Variants in GRID1 observed in about 807,000 individuals in gnomAD.
GRID1 encodes glutamate ionotropic receptor delta type subunit 1.
Under a neutral mutation model 98.0 loss-of-function variants are expected in GRID1, and 28 were observed. That is an observed-to-expected ratio of 0.29 (90% CI 0.21 to 0.39). GRID1 has a LOEUF of 0.39. Ranked by LOEUF, GRID1 falls within the 10% of genes least tolerant of loss-of-function variation. The pLI, the probability that GRID1 is intolerant of heterozygous loss-of-function variation, is 1.00. For missense variants in GRID1, 1,111 were observed against 1,340.5 expected (o/e 0.83, Z 2.67); for synonymous variants, 553 against 538.5 (o/e 1.03, Z -0.37).
intron 2 of GRID1, among the ~76,000 whole-genome samples, chr10:86,260,538 G>C (rs1004818424): frequency 2.6e-5 from 4 of 152,190 alleles, no homozygotes; most frequent in Non-Finnish European, 5.9e-5. Flanking sequence ...TCCTCATAGG[G>C]ATGCAGACAG....
At chr10:85,880,727 C>A (rs1276801612) in intron 5 of GRID1, among the ~76,000 whole-genome samples, 1 of 151,978 alleles carries the variant, frequency 6.6e-6, no homozygotes, top group Non-Finnish European at 1.5e-5. Flanking sequence ...CAGGGATGCC[C>A]CCTCTCACCA....
At chr10:86,063,118 G>A (rs895878089) in intron 4 of GRID1, among the ~76,000 whole-genome samples, 1 of 152,232 alleles carries the variant, frequency 6.6e-6, no homozygotes, top group Admixed American at 6.5e-5. Flanking sequence ...TCACTACTGA[G>A]GGCAACAATG....
intron 3 of GRID1, among the ~76,000 whole-genome samples, chr10:86,180,161 C>G (rs971024786): frequency 8.6e-4 from 131 of 152,146 alleles, no homozygotes; most frequent in Non-Finnish European, 1.3e-4. Context: ...TGGCCGCCAG[C>G]TAGCTTGTGA....
At chr10:85,911,190 C>T (rs893754305) in intron 5 of GRID1, among the ~76,000 whole-genome samples, 1 of 152,058 alleles carries the variant, frequency 6.6e-6, no homozygotes, top group African/African-American at 2.4e-5. Flanking sequence ...TTTTATCATG[C>T]CTTTGTTTTT....
chr10:86,186,265 C>G (rs148583434), intron 3 of GRID1, among the ~76,000 whole-genome samples: 2,039 of 152,246 alleles, frequency 0.013, 29 homozygotes, highest in Non-Finnish European at 0.021. Context: ...GTGATGTCAC[C>G]TTTCTCATTT....
intron 3 of GRID1, among the ~76,000 whole-genome samples, chr10:86,178,588 A>G (rs1192838537): frequency 6.6e-6 from 1 of 152,126 alleles, no homozygotes; most frequent in Non-Finnish European, 1.5e-5. Flanking sequence ...CCACCTCCAG[A>G]TGACCAGCAG....
intron 12 of GRID1, among the ~76,000 whole-genome samples, chr10:85,706,498 G>T (rs1841520068): frequency 6.6e-6 from 1 of 152,118 alleles, no homozygotes; most frequent in Non-Finnish European, 1.5e-5. Flanking sequence ...CATGCTCATG[G>T]GTAGGAAGAA....
chr10:85,874,227 A>G (rs1448822466), intron 5 of GRID1, among the ~76,000 whole-genome samples: 1 of 152,172 alleles, frequency 6.6e-6, no homozygotes, highest in Admixed American at 6.5e-5. Flanking sequence ...AAATAAATTT[A>G]TATATTTGGG....
At chr10:86,127,348 G>A (rs1037152085) in intron 4 of GRID1, among the ~76,000 whole-genome samples, 1 of 152,146 alleles carries the variant, frequency 6.6e-6, no homozygotes, top group Non-Finnish European at 1.5e-5. Flanking sequence ...CTCATCTGAA[G>A]AGTAACTCTG....
intron 8 of GRID1, among the ~76,000 whole-genome samples, chr10:85,822,347 A>T (rs984468754): frequency 2.7e-4 from 41 of 152,328 alleles, no homozygotes; most frequent in African/African-American, 9.4e-4. Flanking sequence ...ACAAGAAAAA[A>T]ACAAACAACC....
At chr10:86,174,950 T>A (rs1845553011) in intron 3 of GRID1, among the ~76,000 whole-genome samples, 1 of 152,028 alleles carries the variant, frequency 6.6e-6, no homozygotes, top group South Asian at 2.1e-4. Flanking sequence ...AGATACCATC[T>A]CACACCAGTT....
intron 4 of GRID1, among the ~76,000 whole-genome samples, chr10:85,995,138 A>C (rs979084527): frequency 6.6e-6 from 1 of 152,230 alleles, no homozygotes; most frequent in Non-Finnish European, 1.5e-5. Flanking sequence ...TGCTACAGCC[A>C]TAGAAAATAG....
intron 2 of GRID1, among the ~76,000 whole-genome samples, chr10:86,297,365 C>A (rs1409764428): frequency 1.3e-5 from 2 of 152,078 alleles, no homozygotes; most frequent in East Asian, 3.8e-4. Context: ...TATCAACAAG[C>A]CATGGGGAAA....
chr10:86,265,725 T>C (rs974516291), intron 2 of GRID1, among the ~76,000 whole-genome samples: 1 of 152,218 alleles, frequency 6.6e-6, no homozygotes, highest in African/African-American at 2.4e-5. Flanking sequence ...CCACTAACAC[T>C]CACCTGTCAT....
chr10:86,111,646 A>G (rs1844486388), intron 4 of GRID1, among the ~76,000 whole-genome samples: 1 of 152,234 alleles, frequency 6.6e-6, no homozygotes, highest in Non-Finnish European at 1.5e-5. Flanking sequence ...CCCAAGCTAC[A>G]TTCAACTGCC....
chr10:85,736,594 T>A (rs1280060984), intron 8 of GRID1, among the ~76,000 whole-genome samples: 1 of 152,192 alleles, frequency 6.6e-6, no homozygotes, highest in Non-Finnish European at 1.5e-5. Flanking sequence ...ATGATGGCCA[T>A]AGTGGGTCTG....
chr10:85,996,525 G>C (rs1179945617), intron 4 of GRID1, among the ~76,000 whole-genome samples: 1 of 152,164 alleles, frequency 6.6e-6, no homozygotes, highest in African/African-American at 2.4e-5. Context: ...CACATCAATA[G>C]TAATGATTCA....
At chr10:85,873,890 C>T (rs1373677662) in intron 5 of GRID1, among the ~76,000 whole-genome samples, 1 of 152,248 alleles carries the variant, frequency 6.6e-6, no homozygotes, top group African/African-American at 2.4e-5. Flanking sequence ...ATACTCACCA[C>T]CATTTAATAA....
chr10:86,243,667 G>A (rs894529398), intron 2 of GRID1, among the ~76,000 whole-genome samples: 1 of 152,126 alleles, frequency 6.6e-6, no homozygotes, highest in Non-Finnish European at 1.5e-5. Flanking sequence ...TAGTCTGAGT[G>A]AGGGATTGCT....
Sources: allele counts gnomAD v4.1 joint callset (sites outside exome capture counted in the v4.1 genomes callset), GRCh38; gene constraint gnomAD v4.1.1; transcripts MANE v1.5; gene names NCBI Gene and HGNC (gene_info 2026-07-23, HGNC 2026-07-21).